FGF13: variants seen among roughly 807,000 people sequenced by gnomAD.
FGF13 encodes the protein fibroblast growth factor 13.
Under a neutral mutation model 19.5 loss-of-function variants are expected in FGF13, and 2 were observed. The ratio of observed to expected loss-of-function variants is 0.10; its 90% CI spans 0.04 to 0.32. FGF13 has a LOEUF of 0.32. Among genes scored for constraint, FGF13 ranks in the 10% least tolerant of loss-of-function variants. The pLI is 1.00. For synonymous variants in FGF13, 72 were observed against 76.9 expected (o/e 0.94, Z 0.33); for missense variants, 113 against 192.7 (o/e 0.59, Z 2.45).
intron 1 of FGF13, among the ~76,000 whole-genome samples, chrX:138,974,829 T>C (rs2091933420): frequency 8.9e-6 from 1 of 112,531 alleles, no homozygotes; most frequent in Non-Finnish European, 1.9e-5. Flanking sequence ...TGCTAAGCAA[T>C]GGAGAAGACA....
At chrX:138,696,681 A>G (rs2089899693) in intron 3 of FGF13, among the ~76,000 whole-genome samples, 1 of 112,158 alleles carries the variant, frequency 8.9e-6, no homozygotes. Context: ...GGGTCATCTC[A>G]GGGATTCTGA....
intron 1 of FGF13, among the ~76,000 whole-genome samples, chrX:139,117,948 G>C (rs2083650824): frequency 1.8e-5 from 2 of 111,681 alleles, no homozygotes; most frequent in South Asian, 7.5e-4. Context: ...AGGGGATAAG[G>C]AGATCTCAAG....
At chrX:138,782,157 T>C (rs1182871857) in intron 3 of FGF13, among the ~76,000 whole-genome samples, 3 of 111,877 alleles carry the variant, frequency 2.7e-5, no homozygotes, top group African/African-American at 9.8e-5. Context: ...TGGGACATAT[T>C]TGAAAATAAT....
At chrX:138,687,703 T>A (rs767344145) in intron 3 of FGF13, among the ~76,000 whole-genome samples, 1 of 112,133 alleles carries the variant, frequency 8.9e-6, no homozygotes, top group Non-Finnish European at 1.9e-5. Context: ...TGCATTCTCA[T>A]GTTTACTGCA....
At chrX:138,693,862 TC>T (rs1383317433) in intron 3 of FGF13, among the ~76,000 whole-genome samples, 2 of 111,770 alleles carry the variant, frequency 1.8e-5, no homozygotes, top group Non-Finnish European at 3.8e-5. Context: ...AATAATTGAG[TC>T]CATATCACTT....
At chrX:139,204,586 G>C (rs1235363152), upstream of FGF13, among the ~76,000 whole-genome samples, 1 of 112,876 alleles carries the variant, frequency 8.9e-6, no homozygotes, top group African/African-American at 3.2e-5. Flanking sequence ...GCACTGGCAG[G>C]CTGCTTTCCC....
At chrX:138,914,278 C>T (rs1436522575) in intron 1 of FGF13, among the ~76,000 whole-genome samples, 1 of 107,016 alleles carries the variant, frequency 9.3e-6, no homozygotes, top group African/African-American at 3.4e-5. Context: ...CCCGAGCTGC[C>T]ATTGCCTTTC....
At chrX:139,004,340 A>G (rs974664266) in intron 1 of FGF13, among the ~76,000 whole-genome samples, 4 of 112,596 alleles carry the variant, frequency 3.6e-5, no homozygotes, top group African/African-American at 1.3e-4. Context: ...CGCCAAGCCC[A>G]CGCCCACCCG....
chrX:138,773,878 T>C (rs187419440), intron 3 of FGF13, among the ~76,000 whole-genome samples: 56 of 112,106 alleles, frequency 5.0e-4, no homozygotes, highest in African/African-American at 1.7e-3. Context: ...CTATTTCAGC[T>C]GATTTTGTTA....
At chrX:138,799,178 C>A (rs897828459) in intron 3 of FGF13, among the ~76,000 whole-genome samples, 1 of 111,886 alleles carries the variant, frequency 8.9e-6, no homozygotes, top group Admixed American at 9.6e-5. Context: ...ATCTTTCCCA[C>A]TTTCTGATGT....
rs1284692569 is a variant in FGF13, at chrX:138,618,040, T to C, written c.*14810A>G. The C allele has an allele frequency of 8.9e-6, 1 of 111,916 alleles. No homozygotes were observed. The highest frequency in any genetic ancestry group is 2.8e-4 in the East Asian group (1 of 3,566). 9.2% of individuals were successfully genotyped at this position (111,916 alleles called of 1,213,427 possible). A position where few individuals can be genotyped will look rare whatever the true frequency, so the allele number is the denominator to read the frequency against. On this transcript the variant is annotated 3_prime_UTR_variant, in exon 5 of 5. Coordinates refer to ENST00000315930, the MANE Select transcript of FGF13 (RefSeq NM_004114.5). ...TTCAAGGAAAAAAATAATTAAAATA[T>C]GCATTTTAGATATTGGGGTGATGTC...
chrX:138,941,506 A>C (rs1489647812), intron 1 of FGF13, among the ~76,000 whole-genome samples: 1 of 112,097 alleles, frequency 8.9e-6, no homozygotes, highest in Non-Finnish European at 1.9e-5. Flanking sequence ...GGGAGGTGAA[A>C]GATTTCTACC....
At chrX:138,895,184 T>C (rs1222724219) in intron 1 of FGF13, among the ~76,000 whole-genome samples, 1 of 112,029 alleles carries the variant, frequency 8.9e-6, no homozygotes, top group African/African-American at 3.3e-5. Flanking sequence ...ACAGGATATA[T>C]TCAAGGTGTA....
At chrX:139,052,503 T>C (rs776688726) in intron 1 of FGF13, among the ~76,000 whole-genome samples, 1 of 112,076 alleles carries the variant, frequency 8.9e-6, no homozygotes, top group Admixed American at 9.4e-5. Context: ...TTAAAGTAGA[T>C]GCATAACAAT....
chrX:138,940,660 T>C (rs1024880161), intron 1 of FGF13, among the ~76,000 whole-genome samples: 7 of 111,924 alleles, frequency 6.3e-5, no homozygotes, highest in African/African-American at 2.3e-4. Flanking sequence ...GCTAGCCAGT[T>C]ATCCCAGCAC....
chrX:139,064,004 T>A (rs1049587227), intron 1 of FGF13, among the ~76,000 whole-genome samples: 3 of 111,303 alleles, frequency 2.7e-5, no homozygotes, highest in African/African-American at 9.8e-5. Context: ...CAATTTCTGC[T>A]GCATATATTT....
At chrX:138,950,072 A>C (rs1397653578) in intron 1 of FGF13, among the ~76,000 whole-genome samples, 1 of 111,979 alleles carries the variant, frequency 8.9e-6, no homozygotes, top group Non-Finnish European at 1.9e-5. Context: ...CAAGTTCCAC[A>C]TTCTTCTCTA....
rs772755070 is a variant in FGF13, at chrX:139,133,095, T to C, written c.-113+70321A>G. 4.5e-5 allele frequency among the ~76,000 whole-genome samples: 5 copies of C among 111,317 alleles called. No homozygotes were observed. The East Asian group carries it at 1.4e-3, about 32-fold the overall frequency. On this transcript the variant is annotated intron_variant, in intron 1 of 2. Coordinates refer to the FGF13 transcript ENST00000421460. ...TTACTGCAAAATCTCTTAGGTTCTT[T>C]ATATACTAATGTACCTTATGAATCT...
chrX:138,786,757 T>C (rs898764236), intron 3 of FGF13, among the ~76,000 whole-genome samples: 2 of 111,966 alleles, frequency 1.8e-5, no homozygotes, highest in Non-Finnish European at 1.9e-5. Flanking sequence ...TAATAACTAG[T>C]GTGTGATGCT....
Sources: gnomAD v4.1 joint callset for allele counts (sites outside exome capture counted in the v4.1 genomes callset) on GRCh38, gnomAD v4.1.1 for gene constraint, MANE v1.5 for transcripts, NCBI Gene and HGNC (gene_info 2026-07-23, HGNC 2026-07-21) for gene names.